The following CFAP20DC variants were observed in gnomAD, a reference collection of about 807,000 sequenced individuals.
CFAP20DC encodes protein CFAP20DC.
CFAP20DC carries 84 observed loss-of-function variants against 101.7 expected under a neutral mutation model. That is an observed-to-expected ratio of 0.83 (90% CI 0.69 to 0.99). The LOEUF (loss-of-function observed/expected upper bound fraction) is 0.99. CFAP20DC is among the 50% of genes least tolerant of loss of function. CFAP20DC has a pLI of 0.00. For synonymous variants in CFAP20DC, 359 were observed against 351.2 expected (o/e 1.02, Z -0.25); for missense variants, 1,007 against 970.3 (o/e 1.04, Z -0.50).
intron 14 of CFAP20DC, among the ~76,000 whole-genome samples, chr3:58,825,454 T>A (rs1475354768): frequency 6.6e-6 from 1 of 152,086 alleles, no homozygotes; most frequent in East Asian, 1.9e-4. Context: ...TGAGCCCAGG[T>A]TGACTGATCT....
At chr3:58,736,459 C>T (rs1407072238) in intron 3 of CFAP20DC, among the ~76,000 whole-genome samples, 2 of 152,174 alleles carry the variant, frequency 1.3e-5, no homozygotes, top group Non-Finnish European at 1.5e-5. Flanking sequence ...TTATAGATTA[C>T]TAAAACTCCA....
rs1238108456 is a variant in CFAP20DC at position 58,864,605 on chromosome 3, T to C, written c.1259-713A>G. Among the ~76,000 whole-genome samples the C allele has an allele frequency of 1.3e-5, 2 of 152,102 alleles. No homozygotes were observed. Among genetic ancestry groups the C allele is most frequent in the African/African-American group, 4.8e-5 (2 of 41,418 alleles). ...TCCTTTTAACTGCAGGAGGACAGAG[T>C]ACTTAACCAGCTTCTTTAAAAAAAT... is the stretch of plus-strand genomic sequence containing the variant. On this transcript the variant is annotated intron_variant, in intron 11 of 16. Coordinates refer to ENST00000482387, the MANE Select transcript of CFAP20DC (RefSeq NM_001394063.1). The surrounding 1 kb of genome is among the most constrained non-coding windows in gnomAD (Gnocchi z 4.7).
chr3:59,040,618 ACT>A (rs975202766), intron 3 of CFAP20DC, among the ~76,000 whole-genome samples: 1 of 151,944 alleles, frequency 6.6e-6, no homozygotes, highest in Non-Finnish European at 1.5e-5. Flanking sequence ...CTAGTCTAAA[ACT>A]CATGCTATTT....
intron 5 of CFAP20DC, among the ~76,000 whole-genome samples, chr3:58,933,949 C>A (rs1036294334): frequency 4.6e-5 from 7 of 151,604 alleles, no homozygotes; most frequent in Non-Finnish European, 8.8e-5. Context: ...AATAGAGACA[C>A]AAAAAACCCT....
intron 4 of CFAP20DC, among the ~76,000 whole-genome samples, chr3:59,024,988 AG>A (rs2093868366): frequency 6.6e-6 from 1 of 152,204 alleles, no homozygotes; most frequent in South Asian, 2.1e-4. Flanking sequence ...CATCACTGTT[AG>A]TGAAGGCAAA....
chr3:58,955,516 A>C (rs745792075), intron 4 of CFAP20DC, among the ~76,000 whole-genome samples: 2 of 152,144 alleles, frequency 1.3e-5, no homozygotes, highest in Non-Finnish European at 2.9e-5. Context: ...GGAGCATTTA[A>C]ACCAGCCCTA....
At chr3:58,780,834 G>C (rs1035471927) in intron 15 of CFAP20DC, among the ~76,000 whole-genome samples, 1 of 151,830 alleles carries the variant, frequency 6.6e-6, no homozygotes, top group Non-Finnish European at 1.5e-5. Flanking sequence ...TATAATAATA[G>C]CTGGGAATTT....
intron 4 of CFAP20DC, among the ~76,000 whole-genome samples, chr3:59,020,091 C>G (rs2093772908): frequency 6.6e-6 from 1 of 151,914 alleles, no homozygotes; most frequent in South Asian, 2.1e-4. Flanking sequence ...TTTTGGAAAA[C>G]ATAGATATTT....
intron 6 of CFAP20DC, among the ~76,000 whole-genome samples, chr3:58,904,352 G>A (rs1018023584): frequency 1.3e-5 from 2 of 151,994 alleles, no homozygotes; most frequent in Non-Finnish European, 2.9e-5. Context: ...ATAATTGTGA[G>A]TCTTGATATA....
At chr3:59,037,022 GA>G (rs2094116579) in intron 4 of CFAP20DC, among the ~76,000 whole-genome samples, 1 of 152,136 alleles carries the variant, frequency 6.6e-6, no homozygotes, top group African/African-American at 2.4e-5. Context: ...ACAAAAACAA[GA>G]AATGGGGAAA....
At chr3:58,891,514 G>A (rs904095832) in intron 6 of CFAP20DC, among the ~76,000 whole-genome samples, 2 of 152,156 alleles carry the variant, frequency 1.3e-5, no homozygotes, top group South Asian at 2.1e-4. Context: ...ACTGGTGTGA[G>A]ATGGTATCTC....
intron 14 of CFAP20DC, 50 bp downstream of exon 14, chr3:58,831,636 G>T: frequency 6.5e-7 from 1 of 1,528,840 alleles, no homozygotes; most frequent in Non-Finnish European, 9.0e-7. Flanking sequence ...TTAGAAAAAA[G>T]CTTGCTCCTT....
chr3:59,019,251 A>T (rs1036780197), intron 4 of CFAP20DC, among the ~76,000 whole-genome samples: 16 of 151,996 alleles, frequency 1.1e-4, no homozygotes, highest in African/African-American at 3.4e-4. Flanking sequence ...AATCAGAATA[A>T]ATTCGTTATT....
chr3:58,874,410 T>C lies in CFAP20DC; in HGVS notation c.716-4101A>G, dbSNP rs1474792836. Among the ~76,000 whole-genome samples, 1 of 152,236 alleles carries C rather than the reference T, an allele frequency of 6.6e-6. No individual in the cohort carries two copies. The highest frequency in any genetic ancestry group is 2.4e-5 in the African/African-American group (1 of 41,464). ...AGGTTTTATACAAACATAAATCTAA[T>C]TGAGTCATTTCCTTTCCTTCACTTA... is the stretch of plus-strand genomic sequence containing the variant. On this transcript the variant is annotated intron_variant, in intron 7 of 16. Coordinates refer to ENST00000482387, the MANE Select transcript of CFAP20DC (RefSeq NM_001394063.1). The surrounding 1 kb of genome is among the most constrained non-coding windows in gnomAD (Gnocchi z 5.1).
chr3:58,892,723 A>G lies in CFAP20DC; in HGVS notation c.551-8014T>C, dbSNP rs117409440. The stretch of plus-strand genomic sequence containing the variant: ...TGCAGAAGTTGCTTATCAGCTTAAA[A>G]AGCTTTAGGCTGAGATGATGCGGTT... On this transcript the variant is annotated intron_variant, in intron 6 of 16. Coordinates refer to ENST00000482387, the MANE Select transcript of CFAP20DC (RefSeq NM_001394063.1). The surrounding 1 kb of genome is among the most constrained non-coding windows in gnomAD (Gnocchi z 4.0). Among the ~76,000 whole-genome samples the G allele has an allele frequency of 1.8e-4, 28 of 152,298 alleles. 1 individual carries two copies. The East Asian group carries it at 3.9e-3, about 21-fold the overall frequency.
chr3:58,845,363 C>A (rs1284817376), intron 13 of CFAP20DC, among the ~76,000 whole-genome samples: 1 of 151,960 alleles, frequency 6.6e-6, no homozygotes, highest in Non-Finnish European at 1.5e-5. Context: ...TACAAACTAC[C>A]ATCAGGGAAT....
chr3:58,849,333 A>C lies in CFAP20DC; in HGVS notation c.1670T>G (p.Leu557Arg), dbSNP rs757736156. ...TGTCCGCTTTGCAGCCTTCCCCAGCAGGCTCTCTAATGTTAACTGAGTTAA... is the reference window on the plus strand; with the variant it reads ...TGTCCGCTTTGCAGCCTTCCCCAGCCGGCTCTCTAATGTTAACTGAGTTAA... ...SELTQLTLES[L>R]LGKAAKRTSK... Residue 557 changes from leucine (L) to arginine (R), a missense_variant, in exon 13 of 17, where the codon CTG becomes CGG. Physicochemically the swap from Leu to Arg is moderately radical, Grantham distance 102 (BLOSUM62 -2). Transcript: ENST00000482387. 3.9e-6 allele frequency: 6 copies of C among 1,536,130 alleles called. No individual in the cohort carries two copies. Among genetic ancestry groups the C allele is most frequent in the Non-Finnish European group, 5.2e-6 (6 of 1,146,894 alleles).
At chr3:58,956,032 A>G (rs1395605951) in intron 4 of CFAP20DC, among the ~76,000 whole-genome samples, 3 of 151,342 alleles carry the variant, frequency 2.0e-5, no homozygotes. Context: ...CTGAATAACC[A>G]GCAGTGATAC....
intron 15 of CFAP20DC, among the ~76,000 whole-genome samples, chr3:58,781,141 G>A (rs530777928): frequency 4.1e-4 from 63 of 151,834 alleles, no homozygotes; most frequent in African/African-American, 1.5e-3. Flanking sequence ...AGGAACTCTG[G>A]AAACTGTACA....
Sources: gnomAD v4.1 joint callset for allele counts (sites outside exome capture counted in the v4.1 genomes callset) on GRCh38, gnomAD v4.1.1 for gene constraint, Gnocchi (gnomAD v3.1) non-coding constraint, MANE v1.5 for transcripts, NCBI Gene and HGNC (gene_info 2026-07-23, HGNC 2026-07-21) for gene names.